The following FRAS1 variants were observed in gnomAD, a reference collection of about 807,000 sequenced individuals.
FRAS1 encodes extracellular matrix organizing protein FRAS1.
FRAS1 carries 290 observed loss-of-function variants against 435.2 expected under a neutral mutation model. The observed-to-expected ratio is 0.67, with a 90% CI of 0.61 to 0.73. FRAS1 has a LOEUF of 0.73. FRAS1 is among the 30% of genes least tolerant of loss of function. FRAS1 has a pLI of 0.00. For synonymous variants in FRAS1, 1,800 were observed against 1,851.0 expected (o/e 0.97, Z 0.71); for missense variants, 4,860 against 5,001.5 (o/e 0.97, Z 0.85).
At position 78,374,214 on chromosome 4, in the gene FRAS1, G is replaced by A; in HGVS notation, c.3114G>A (p.Lys1038=). Reference sequence around the variant, plus strand: ...CCCAGTGTGTCCAGGAATGTGGGAAGGGGTACTTTGCAGATCATGCAAAGC... The same window carrying A: ...CCCAGTGTGTCCAGGAATGTGGGAAAGGGTACTTTGCAGATCATGCAAAGC... ...LEAQCVQECG[K]GYFADHAKHK... is the part of the protein sequence containing the mutation. Residue 1038 remains lysine, a synonymous_variant, in exon 25 of 74, where the codon AAG becomes AAA. Coordinates refer to ENST00000512123, the MANE Select transcript of FRAS1 (RefSeq NM_025074.7). 1 of 1,603,632 alleles carries A rather than the reference G, an allele frequency of 6.2e-7. No individual in the cohort carries two copies. Among genetic ancestry groups the A allele is most frequent in the Non-Finnish European group, 8.5e-7 (1 of 1,172,564 alleles).
intron 2 of FRAS1, among the ~76,000 whole-genome samples, chr4:78,115,766 T>A (rs896636767): frequency 1.3e-5 from 2 of 152,148 alleles, no homozygotes; most frequent in Non-Finnish European, 2.9e-5. Flanking sequence ...TTTGTTGATC[T>A]TTTCAAAAAA....
At chr4:78,379,617 C>T in intron 26 of FRAS1, 109 bp from the exon 27 acceptor site, 1 of 1,029,588 alleles carries the variant, frequency 9.7e-7, no homozygotes, top group Non-Finnish European at 1.5e-6. Context: ...TGTGTTTATT[C>T]TCTGGAAATT....
intron 47 of FRAS1, among the ~76,000 whole-genome samples, chr4:78,459,940 A>T (rs1018058959): frequency 3.9e-5 from 6 of 152,218 alleles, no homozygotes; most frequent in Non-Finnish European, 7.3e-5. Flanking sequence ...ATCTAATTAC[A>T]TCTACAATTA....
Position 78,542,017 on chromosome 4 carries a change from C to T in FRAS1, c.*893C>T, listed in dbSNP as rs563929109. The T allele has an allele frequency of 5.9e-5, 9 of 152,356 alleles. No homozygotes were observed. The highest frequency in any genetic ancestry group is 2.2e-4 in the African/African-American group (9 of 41,578). The allele number at this position is 152,356 out of a possible 1,614,324, so 9.4% of individuals were successfully genotyped here. On this transcript the variant is annotated 3_prime_UTR_variant, in exon 74 of 74. Transcript: ENST00000512123. ...AAACCCACCACACTTTCCTCCTACT[C>T]CGGTCTTTGCCCGTTCCTGTAACAG...
At chr4:78,065,083 T>TATATACACAC (rs1383890164) in intron 1 of FRAS1, among the ~76,000 whole-genome samples, 1 of 140,596 alleles carries the variant, frequency 7.1e-6, no homozygotes, top group African/African-American at 2.6e-5. Flanking sequence ...TATATATATA[T>TATATACACAC]ACATACACAC....
In FRAS1 at chr4:78,057,731, C is replaced by A. The variant is rs1739535662; in HGVS notation, c.-279C>A. 1 of 521,994 alleles carries A rather than the reference C, an allele frequency of 1.9e-6. No homozygotes were observed. Among genetic ancestry groups the A allele is most frequent in the Non-Finnish European group, 3.4e-6 (1 of 293,178 alleles). The allele number at this position is 521,994 out of a possible 1,614,324, so 32.3% of individuals were successfully genotyped here. On this transcript the variant is annotated 5_prime_UTR_variant, in exon 1 of 74. Coordinates refer to ENST00000512123, the MANE Select transcript of FRAS1 (RefSeq NM_025074.7). This position sits in a 1 kb window ranked among gnomAD's most constrained non-coding sequence, Gnocchi z 4.2. ...GACGCGGAGAACTGTGCTCTGCCTC[C>A]TCTTATTCTCCCAAAGCTCACGTTG...
intron 19 of FRAS1, among the ~76,000 whole-genome samples, chr4:78,335,410 T>C (rs1289312203): frequency 6.6e-6 from 1 of 152,206 alleles, no homozygotes; most frequent in African/African-American, 2.4e-5. Flanking sequence ...TGTCTTCTCC[T>C]GGAATGAGTA....
At chr4:78,393,137 C>T (rs1732518399) in intron 29 of FRAS1, among the ~76,000 whole-genome samples, 1 of 151,810 alleles carries the variant, frequency 6.6e-6, no homozygotes, top group South Asian at 2.1e-4. Flanking sequence ...TCACCACTAT[C>T]CAGGTCTTTG....
chr4:78,170,734 A>G (rs1721515364), intron 2 of FRAS1, among the ~76,000 whole-genome samples: 1 of 152,110 alleles, frequency 6.6e-6, no homozygotes, highest in African/African-American at 2.4e-5. Flanking sequence ...ACTGATGATC[A>G]GAGAGATGAG....
chr4:78,530,832 G>C (rs1401225377), intron 70 of FRAS1, among the ~76,000 whole-genome samples: 7 of 152,138 alleles, frequency 4.6e-5, no homozygotes, highest in Non-Finnish European at 1.0e-4. Flanking sequence ...GTTCTTTTAT[G>C]GTTACACATG....
chr4:78,433,710 C>T (rs1307488153), intron 38 of FRAS1, among the ~76,000 whole-genome samples: 1 of 152,066 alleles, frequency 6.6e-6, no homozygotes, highest in Admixed American at 6.6e-5. Context: ...GTGATTTTTA[C>T]TGTAAGTTAT....
At chr4:78,529,124 C>A (rs578013940) in intron 70 of FRAS1, among the ~76,000 whole-genome samples, 14 of 152,104 alleles carry the variant, frequency 9.2e-5, no homozygotes, top group African/African-American at 2.7e-4. Flanking sequence ...AGTCAAGGAA[C>A]TGGGAGTCTG....
At chr4:78,244,681 T>C (rs1221686741) in intron 3 of FRAS1, among the ~76,000 whole-genome samples, 4 of 152,176 alleles carry the variant, frequency 2.6e-5, no homozygotes, top group African/African-American at 4.8e-5. Flanking sequence ...AATGTAGATC[T>C]TTACTAGAGC....
chr4:78,206,022 A>G (rs527764346), intron 2 of FRAS1, among the ~76,000 whole-genome samples: 1 of 152,294 alleles, frequency 6.6e-6, no homozygotes, highest in East Asian at 1.9e-4. Flanking sequence ...AATCACAAAC[A>G]TGCTACCTGT....
At chr4:78,161,742 C>CAAAAAAAAAAAAAA (rs71214399) in intron 2 of FRAS1, among the ~76,000 whole-genome samples, 271 of 24,912 alleles carry the variant, frequency 0.011, 3 homozygotes, top group East Asian at 0.013. Flanking sequence ...AACTCTGTCT[C>CAAAAAAAAAAAAAA]AAAAAAAAAA....
intron 18 of FRAS1, among the ~76,000 whole-genome samples, chr4:78,330,811 C>T (rs1020712952): frequency 3.9e-5 from 6 of 152,232 alleles, no homozygotes; most frequent in Admixed American, 6.5e-5. Flanking sequence ...AATTTCGCCT[C>T]GGTCCTGTGG....
intron 2 of FRAS1, among the ~76,000 whole-genome samples, chr4:78,235,815 G>T (rs1724729476): frequency 6.6e-6 from 1 of 152,278 alleles, no homozygotes; most frequent in South Asian, 2.1e-4. Flanking sequence ...TGAGTGTGGT[G>T]GTGCATGCCA....
At chr4:78,121,784 T>C (rs552058950) in intron 2 of FRAS1, among the ~76,000 whole-genome samples, 4 of 152,326 alleles carry the variant, frequency 2.6e-5, no homozygotes, top group Admixed American at 6.5e-5. Context: ...CTGTTTCTTT[T>C]TGTCTCATAG....
At chr4:78,249,588 G>T (rs986120833) in intron 4 of FRAS1, among the ~76,000 whole-genome samples, 1 of 152,086 alleles carries the variant, frequency 6.6e-6, no homozygotes, top group Non-Finnish European at 1.5e-5. Context: ...CTCCCAAAGT[G>T]CTGGGATTAC....
Sources: allele counts gnomAD v4.1 joint callset (sites outside exome capture counted in the v4.1 genomes callset), GRCh38; gene constraint gnomAD v4.1.1; non-coding constraint Gnocchi (gnomAD v3.1); transcripts MANE v1.5; gene names NCBI Gene and HGNC (gene_info 2026-07-23, HGNC 2026-07-21).